Variants in CHSY3 observed in about 807,000 individuals in gnomAD.
The protein encoded by CHSY3 is N-acetylgalactosaminyl-proteoglycan 3-beta-glucuronosyltransferase 3.
Under a neutral mutation model 67.2 loss-of-function variants are expected in CHSY3, and 35 were observed. That is an observed-to-expected ratio of 0.52 (90% CI 0.40 to 0.69). CHSY3 has a LOEUF of 0.69. Among genes scored for constraint, CHSY3 ranks in the 30% least tolerant of loss-of-function variants. CHSY3 has a pLI of 0.00. For synonymous variants in CHSY3, 474 were observed against 434.7 expected, an observed-to-expected ratio of 1.09 and a Z score of -1.12; for missense variants, 1,069 against 1,138.5, an observed-to-expected ratio of 0.94 and a Z score of 0.88.
At chr5:129,927,401 T>A (rs2436452) in intron 2 of CHSY3, among the ~76,000 whole-genome samples, 2,164 of 152,070 alleles carry the variant, frequency 0.014, 55 homozygotes, top group African/African-American at 0.049. Context: ...GTTTGGGACA[T>A]TGTGTTTGTA....
At chr5:130,058,356 G>T (rs1765601616) in intron 2 of CHSY3, among the ~76,000 whole-genome samples, 1 of 152,158 alleles carries the variant, frequency 6.6e-6, no homozygotes. Flanking sequence ...GGCCAGGCGT[G>T]GTGGCTCACA....
In CHSY3 at chr5:130,161,355, T is replaced by C. The variant is rs924620867; in HGVS notation, c.1087-22874T>C. Among the ~76,000 whole-genome samples the C allele has an allele frequency of 2.3e-4, 35 of 152,374 alleles. No individual in the cohort carries two copies. In the Middle Eastern group the frequency reaches 0.02, roughly 89 times the overall value. On this transcript the variant is annotated intron_variant, in intron 2 of 2. Coordinates refer to ENST00000305031, the MANE Select transcript of CHSY3 (RefSeq NM_175856.5). ...CTACTGATCTATTTATCTATCCTAG[T>C]ACTATTACCACTCCCTTACATTACT...
intron 2 of CHSY3, among the ~76,000 whole-genome samples, chr5:129,913,202 C>T (rs965150104): frequency 3.9e-5 from 6 of 152,110 alleles, no homozygotes; most frequent in African/African-American, 1.4e-4. Context: ...CTACAGTTCC[C>T]TTCATGTCCT....
chr5:129,990,222 C>A (rs185958746), intron 2 of CHSY3, among the ~76,000 whole-genome samples: 3 of 152,082 alleles, frequency 2.0e-5, no homozygotes, highest in Admixed American at 2.0e-4. Flanking sequence ...CTTCTGGTAG[C>A]AAATCCTTAA....
intron 2 of CHSY3, among the ~76,000 whole-genome samples, chr5:130,121,392 CAAGTA>C (rs1768018534): frequency 6.6e-6 from 1 of 152,016 alleles, no homozygotes; most frequent in Non-Finnish European, 1.5e-5. Flanking sequence ...GAAATGATGC[CAAGTA>C]AAGGTAAAAT....
intron 2 of CHSY3, among the ~76,000 whole-genome samples, chr5:130,175,407 A>G (rs563094316): frequency 6.6e-6 from 1 of 152,334 alleles, no homozygotes; most frequent in South Asian, 2.1e-4. Context: ...GGAAGAATCA[A>G]TATGGTGAAA....
At chr5:130,062,173 G>A (rs903758699) in intron 2 of CHSY3, among the ~76,000 whole-genome samples, 1 of 152,158 alleles carries the variant, frequency 6.6e-6, no homozygotes, top group Middle Eastern at 3.4e-3. Flanking sequence ...ATTGGATAAC[G>A]AAAATGTGGT....
intron 2 of CHSY3, among the ~76,000 whole-genome samples, chr5:129,921,993 C>T (rs1760940427): frequency 1.3e-5 from 2 of 152,148 alleles, no homozygotes; most frequent in Non-Finnish European, 2.9e-5. Flanking sequence ...CTTTAACACA[C>T]TCTACCCACC....
At chr5:130,079,328 G>A (rs994477765) in intron 2 of CHSY3, among the ~76,000 whole-genome samples, 15 of 152,142 alleles carry the variant, frequency 9.9e-5, no homozygotes, top group Admixed American at 6.6e-4. Context: ...TACACTTACA[G>A]ATGTATTTAA....
chr5:130,033,753 A>G (rs965569945), intron 2 of CHSY3, among the ~76,000 whole-genome samples: 1 of 148,880 alleles, frequency 6.7e-6, no homozygotes, highest in East Asian at 2.0e-4. Flanking sequence ...TGATTTCCAC[A>G]TTATGTACTT....
At chr5:130,055,749 A>G (rs1261510588) in intron 2 of CHSY3, among the ~76,000 whole-genome samples, 1 of 152,018 alleles carries the variant, frequency 6.6e-6, no homozygotes, top group Admixed American at 6.6e-5. Context: ...CTGTGGTGGG[A>G]AGGGACTCAG....
chr5:129,920,709 T>G (rs558445307), intron 2 of CHSY3, among the ~76,000 whole-genome samples: 3 of 152,370 alleles, frequency 2.0e-5, no homozygotes, highest in South Asian at 4.1e-4. Flanking sequence ...ACTTTTACAG[T>G]TTGAAGTGTA....
At chr5:130,094,483 A>G (rs749939883) in intron 2 of CHSY3, among the ~76,000 whole-genome samples, 1 of 152,110 alleles carries the variant, frequency 6.6e-6, no homozygotes, top group Non-Finnish European at 1.5e-5. Context: ...ATTCCAAACC[A>G]TATACAGGAT....
chr5:130,107,134 GT>G (rs1457584113), intron 2 of CHSY3, among the ~76,000 whole-genome samples: 4 of 151,152 alleles, frequency 2.6e-5, no homozygotes, highest in Admixed American at 1.3e-4. Flanking sequence ...AATTGCTTCA[GT>G]TAATGTGCTT....
chr5:129,947,802 C>T (rs115233695), intron 2 of CHSY3, among the ~76,000 whole-genome samples: 235 of 152,172 alleles, frequency 1.5e-3, no homozygotes, highest in African/African-American at 5.5e-3. Flanking sequence ...TTGATAATAG[C>T]CATCTTAACA....
intron 2 of CHSY3, among the ~76,000 whole-genome samples, chr5:130,153,908 T>TTTTG (rs566849744): frequency 0.072 from 10,792 of 150,212 alleles, 637 homozygotes; most frequent in East Asian, 0.26. Context: ...TTCTGGCTGT[T>TTTTG]TTTGTTTGTT....
chr5:130,042,938 C>A (rs2149666367), intron 2 of CHSY3, among the ~76,000 whole-genome samples: 1 of 152,180 alleles, frequency 6.6e-6, no homozygotes, highest in East Asian at 1.9e-4. Flanking sequence ...TCACAGAATT[C>A]TACCACAAGA....
intron 2 of CHSY3, among the ~76,000 whole-genome samples, chr5:130,107,701 A>G (rs1158022120): frequency 2.0e-5 from 3 of 151,598 alleles, no homozygotes; most frequent in African/African-American, 7.2e-5. Flanking sequence ...CTTTGACTAC[A>G]CAGAATAGAT....
At chr5:130,091,046 A>G (rs534648955) in intron 2 of CHSY3, among the ~76,000 whole-genome samples, 1 of 151,692 alleles carries the variant, frequency 6.6e-6, no homozygotes, top group Non-Finnish European at 1.5e-5. Context: ...TATATCTCTT[A>G]TTTACCAGAA....
Sources: allele counts gnomAD v4.1 joint callset (sites outside exome capture counted in the v4.1 genomes callset), GRCh38; gene constraint gnomAD v4.1.1; transcripts MANE v1.5; gene names NCBI Gene and HGNC (gene_info 2026-07-23, HGNC 2026-07-21).